Variants in RAB3GAP2 observed in about 807,000 individuals in gnomAD.
RAB3GAP2 encodes the protein rab3 GTPase-activating protein non-catalytic subunit.
A neutral mutation model predicts 185.3 loss-of-function variants in RAB3GAP2; 87 were observed. The observed-to-expected ratio is 0.47, with a 90% CI of 0.39 to 0.56. The LOEUF (loss-of-function observed/expected upper bound fraction) is 0.56. Ranked by LOEUF, RAB3GAP2 falls within the 20% of genes least tolerant of loss-of-function variation. The probability of loss-of-function intolerance (pLI) is 0.00; values close to 1 mark genes in which losing one functional copy is unlikely to be tolerated. For synonymous variants in RAB3GAP2, 554 were observed against 576.1 expected (o/e 0.96, Z 0.55); for missense variants, 1,492 against 1,638.2 (o/e 0.91, Z 1.54).
intron 1 of RAB3GAP2, among the ~76,000 whole-genome samples, chr1:220,242,539 A>G (rs1461022816): frequency 1.3e-5 from 2 of 152,134 alleles, no homozygotes; most frequent in African/African-American, 4.8e-5. Flanking sequence ...TAATACAGAT[A>G]CAAGCCATTA....
chr1:220,151,174 A>T lies in RAB3GAP2; in HGVS notation c.*77T>A, dbSNP rs1012811113. 7.1e-7 allele frequency: 1 copy of T among 1,405,708 alleles called. No homozygotes were observed. Among genetic ancestry groups the T allele is most frequent in the Admixed American group, 2.0e-5 (1 of 49,032 alleles). The allele number at this position is 1,405,708 out of a possible 1,614,324, so 87.1% of individuals were successfully genotyped here. On this transcript the variant is annotated 3_prime_UTR_variant, in exon 35 of 35. Coordinates refer to ENST00000358951, the MANE Select transcript of RAB3GAP2 (RefSeq NM_012414.4). Reference sequence around the variant, plus strand: ...AGACATACTTTTCCCATAAAATTCCAGGTCTTACTATGTAAAATAACCATG... The same window carrying T: ...AGACATACTTTTCCCATAAAATTCCTGGTCTTACTATGTAAAATAACCATG...
chr1:220,212,476 A>G (rs1659101924), intron 4 of RAB3GAP2, among the ~76,000 whole-genome samples: 1 of 152,038 alleles, frequency 6.6e-6, no homozygotes, highest in African/African-American at 2.4e-5. Flanking sequence ...TCAAATAATG[A>G]AATTTCTTTC....
At chr1:220,250,055 G>A (rs1322106987) in intron 1 of RAB3GAP2, among the ~76,000 whole-genome samples, 1 of 152,178 alleles carries the variant, frequency 6.6e-6, no homozygotes, top group Non-Finnish European at 1.5e-5. Flanking sequence ...CTGTGGAGCT[G>A]TGAGAAGAGG....
intron 1 of RAB3GAP2, among the ~76,000 whole-genome samples, chr1:220,245,414 C>T (rs1043119043): frequency 6.6e-6 from 1 of 152,196 alleles, no homozygotes; most frequent in Non-Finnish European, 1.5e-5. Context: ...GACGGAAGCA[C>T]CTGGAAAATC....
chr1:220,185,785 G>T, intron 17 of RAB3GAP2, 44 bp from the exon 18 acceptor site: 5 of 1,502,492 alleles, frequency 3.3e-6, no homozygotes, highest in South Asian at 1.1e-5. Flanking sequence ...ATAAGGCAGT[G>T]ATTTTGTTTT....
chr1:220,217,657 G>A (rs558797489), intron 2 of RAB3GAP2, among the ~76,000 whole-genome samples: 1 of 151,950 alleles, frequency 6.6e-6, no homozygotes, highest in East Asian at 1.9e-4. Context: ...TAGAATATAG[G>A]AGTAAATAAC....
At chr1:220,202,141 G>A (rs1354357158) in intron 9 of RAB3GAP2, 135 bp downstream of exon 9, 3 of 960,190 alleles carry the variant, frequency 3.1e-6, no homozygotes, top group Non-Finnish European at 2.9e-6. Flanking sequence ...CTCCTGCCTG[G>A]GTGACAGAGC....
chr1:220,202,950 A>G (rs1472909999), intron 8 of RAB3GAP2, among the ~76,000 whole-genome samples: 1 of 152,226 alleles, frequency 6.6e-6, no homozygotes, highest in Admixed American at 6.5e-5. Flanking sequence ...CTCGAAAACA[A>G]CAAAAGAAAA....
At chr1:220,169,742 T>C (rs138610738) in intron 24 of RAB3GAP2, among the ~76,000 whole-genome samples, 150 of 152,344 alleles carry the variant, frequency 9.8e-4, no homozygotes, top group African/African-American at 3.5e-3. Flanking sequence ...TTAAAATTAC[T>C]GGCAACCCCA....
chr1:220,183,229 A>G (rs1658445537), intron 19 of RAB3GAP2, among the ~76,000 whole-genome samples: 1 of 151,490 alleles, frequency 6.6e-6, no homozygotes, highest in Admixed American at 6.6e-5. Flanking sequence ...AGGGTACTTT[A>G]TTATCTTCTA....
At chr1:220,205,314 T>C (rs1488465734) in intron 8 of RAB3GAP2, among the ~76,000 whole-genome samples, 1 of 152,154 alleles carries the variant, frequency 6.6e-6, no homozygotes, top group Admixed American at 6.5e-5. Flanking sequence ...CATATATATA[T>C]TAAGTTTAGG....
chr1:220,210,680 A>T (rs938036672), intron 6 of RAB3GAP2, 121 bp downstream of exon 6: 1 of 1,157,016 alleles, frequency 8.6e-7, no homozygotes, highest in Admixed American at 2.0e-5. Context: ...CTCTACCCCC[A>T]TAAAGAATCA....
At chr1:220,211,281 T>C in intron 4 of RAB3GAP2, 1 of 582,008 alleles carries the variant, frequency 1.7e-6, no homozygotes, top group Non-Finnish European at 3.2e-6. Flanking sequence ...AGCAAAACTT[T>C]ACTTACACAA....
intron 28 of RAB3GAP2, among the ~76,000 whole-genome samples, 193 bp downstream of exon 28, chr1:220,162,005 T>G (rs1183733965): frequency 3.9e-5 from 6 of 152,228 alleles, no homozygotes; most frequent in African/African-American, 9.6e-5. Flanking sequence ...TATTAGTCTC[T>G]TTATGAGGAT....
chr1:220,202,240 G>A, intron 9 of RAB3GAP2, 36 bp downstream of exon 9: 1 of 1,596,694 alleles, frequency 6.3e-7, no homozygotes, highest in Non-Finnish European at 8.6e-7. Context: ...AGTGTAAGAA[G>A]TAAATTCCAA....
rs1657675870 is a variant in RAB3GAP2 at position 220,148,755 on chromosome 1, C to CAA, written c.*2494_*2495dup. ...AAGTAAAACTTTTTTTTTCTGTTTG[C>CAA]AAAAGTATGAAGCATTAAGAAGCAT... On this transcript the variant is annotated 3_prime_UTR_variant, in exon 35 of 35. Coordinates refer to ENST00000358951, the MANE Select transcript of RAB3GAP2 (RefSeq NM_012414.4). 6.6e-6 allele frequency: 1 copy of CAA among 151,764 alleles called. No homozygotes were observed. Among genetic ancestry groups the CAA allele is most frequent in the Non-Finnish European group, 1.5e-5 (1 of 67,948 alleles). The allele number at this position is 151,764 out of a possible 1,614,324, so 9.4% of individuals were successfully genotyped here.
At position 220,183,058 on chromosome 1, in the gene RAB3GAP2, T is replaced by A. The variant is rs572534202; in HGVS notation, c.1999-127A>T. The A allele has an allele frequency of 4.2e-6, 3 of 722,796 alleles. No homozygotes were observed. The African/African-American group carries it at 5.3e-5, about 13-fold the overall frequency. 44.8% of individuals were successfully genotyped at this position (722,796 alleles called of 1,614,324 possible). The stretch of plus-strand genomic sequence containing the variant: ...TATAATACCTATCATGTATTCTGCT[T>A]AAAACTTTACTTACAAATCACGTTT... On this transcript the variant is annotated intron_variant, in intron 19 of 34. Coordinates refer to ENST00000358951, the MANE Select transcript of RAB3GAP2 (RefSeq NM_012414.4).
chr1:220,269,858 GTT>G (rs1253004642), intron 1 of RAB3GAP2, among the ~76,000 whole-genome samples: 1 of 152,180 alleles, frequency 6.6e-6, no homozygotes, highest in African/African-American at 2.4e-5. Flanking sequence ...CATAGCCCAG[GTT>G]GAGAAAAGAT....
Position 220,195,090 on chromosome 1 carries a change from G to A in RAB3GAP2, c.1118C>T (p.Pro373Leu), listed in dbSNP as rs1001410861. Residue 373 changes from proline (P) to leucine (L), a missense_variant, in exon 12 of 35, where the codon CCA (proline) becomes CTA (leucine). This residue lies in a region of RAB3GAP2 where 243 missense variants were observed against 314.8 expected (regional missense o/e 0.77). Coordinates refer to ENST00000358951, the MANE Select transcript of RAB3GAP2 (RefSeq NM_012414.4). ...KQKPKVEPAT[P>L]LAVRFGLPDS... is the part of the protein sequence containing the mutation. ...ATGACAGACTTGCCTTACAGCTAAT[G>A]GGGTAGCTGGCTCAACCTTCGGCTT... 4 of 1,614,000 alleles carry A rather than the reference G, an allele frequency of 2.5e-6. No homozygotes were observed. Among genetic ancestry groups the A allele is most frequent in the Non-Finnish European group, 3.4e-6 (4 of 1,179,912 alleles).
Sources: allele counts gnomAD v4.1 joint callset (sites outside exome capture counted in the v4.1 genomes callset), GRCh38; gene constraint gnomAD v4.1.1; regional missense constraint gnomAD v4.1.1; transcripts MANE v1.5; gene names NCBI Gene and HGNC (gene_info 2026-07-23, HGNC 2026-07-21).